FAM168A: variants seen among roughly 807,000 people sequenced by gnomAD.
The protein encoded by FAM168A is protein FAM168A.
FAM168A carries 3 observed loss-of-function variants against 28.5 expected under a neutral mutation model. That is an observed-to-expected ratio of 0.11 (90% CI 0.05 to 0.27). FAM168A has a LOEUF of 0.27. Among genes scored for constraint, FAM168A ranks in the 10% least tolerant of loss-of-function variants. FAM168A has a pLI of 1.00. For missense variants in FAM168A, 222 were observed against 311.5 expected (o/e 0.71, Z 2.16); for synonymous variants, 122 against 124.2 (o/e 0.98, Z 0.12).
chr11:73,482,814 C>A (rs372630408), intron 1 of FAM168A, among the ~76,000 whole-genome samples: 3 of 152,274 alleles, frequency 2.0e-5, no homozygotes, highest in East Asian at 3.9e-4. Flanking sequence ...TTTCAGCTCA[C>A]TGCAACCTCC....
At chr11:73,490,118 T>C (rs1868108072) in intron 1 of FAM168A, among the ~76,000 whole-genome samples, 1 of 152,220 alleles carries the variant, frequency 6.6e-6, no homozygotes, top group African/African-American at 2.4e-5. Context: ...ATTGCACAGA[T>C]AAAAATTTTG....
chr11:73,460,395 C>T (rs1867623578), intron 2 of FAM168A, among the ~76,000 whole-genome samples: 1 of 152,090 alleles, frequency 6.6e-6, no homozygotes, highest in Admixed American at 6.5e-5. Context: ...TTTCTTCTCC[C>T]CCCTTTCTTC....
At chr11:73,505,223 A>G (rs1855084643) in intron 1 of FAM168A, among the ~76,000 whole-genome samples, 1 of 150,310 alleles carries the variant, frequency 6.7e-6, no homozygotes, top group Admixed American at 6.6e-5. Context: ...ATTAAAAGTC[A>G]TGGAGTTTTG....
At chr11:73,492,182 G>C (rs1162773384) in intron 1 of FAM168A, among the ~76,000 whole-genome samples, 3 of 152,050 alleles carry the variant, frequency 2.0e-5, no homozygotes, top group Non-Finnish European at 2.9e-5. Context: ...ATGTCATAAG[G>C]TTCACCGTAT....
chr11:73,527,138 AG>A (rs1348547734), intron 1 of FAM168A, among the ~76,000 whole-genome samples: 1 of 152,222 alleles, frequency 6.6e-6, no homozygotes, highest in African/African-American at 2.4e-5. Context: ...GACCAGACCC[AG>A]AAATACAAAG....
chr11:73,413,474 TAGG>T (rs1225031840), intron 4 of FAM168A, among the ~76,000 whole-genome samples: 5 of 152,140 alleles, frequency 3.3e-5, no homozygotes, highest in South Asian at 2.1e-4. Context: ...AATGTGGTCA[TAGG>T]AGGAGAAGCA....
chr11:73,545,055 T>G (rs1300272799), intron 1 of FAM168A, among the ~76,000 whole-genome samples: 4 of 118,150 alleles, frequency 3.4e-5, no homozygotes, highest in African/African-American at 1.6e-4. Flanking sequence ...GGAGACAGTC[T>G]CCCTCTGTCA....
chr11:73,530,031 T>G (rs1943497189), intron 1 of FAM168A, among the ~76,000 whole-genome samples: 1 of 151,906 alleles, frequency 6.6e-6, no homozygotes. Context: ...AGGTGATACA[T>G]CCACCTCAGC....
At chr11:73,558,261 A>G (rs1204969470) in intron 1 of FAM168A, among the ~76,000 whole-genome samples, 1 of 152,134 alleles carries the variant, frequency 6.6e-6, no homozygotes. Flanking sequence ...GTAGGAATTC[A>G]ACATCAGCTT....
intron 1 of FAM168A, among the ~76,000 whole-genome samples, chr11:73,557,276 T>C (rs1181698029): frequency 6.6e-6 from 1 of 152,174 alleles, no homozygotes; most frequent in African/African-American, 2.4e-5. Flanking sequence ...TCATATGAGA[T>C]ACACAGAACA....
intron 1 of FAM168A, among the ~76,000 whole-genome samples, chr11:73,527,987 G>A (rs150202491): frequency 1.3e-5 from 2 of 152,260 alleles, no homozygotes; most frequent in Non-Finnish European, 2.9e-5. Context: ...AAGGAAAGAT[G>A]ACATTGATCC....
At chr11:73,574,718 A>ATTTTTTT (rs10568027) in intron 1 of FAM168A, among the ~76,000 whole-genome samples, 2 of 88,640 alleles carry the variant, frequency 2.3e-5, no homozygotes, top group Non-Finnish European at 4.6e-5. Flanking sequence ...TACACCTGGC[A>ATTTTTTT]TTTTTTTTTT....
At chr11:73,494,138 A>G (rs1854816354) in intron 1 of FAM168A, among the ~76,000 whole-genome samples, 2 of 152,202 alleles carry the variant, frequency 1.3e-5, no homozygotes, top group Admixed American at 1.3e-4. Flanking sequence ...CAGTATGTAC[A>G]TATACATGTA....
chr11:73,566,549 G>A (rs1944021811), intron 1 of FAM168A, among the ~76,000 whole-genome samples: 1 of 152,156 alleles, frequency 6.6e-6, no homozygotes, highest in Non-Finnish European at 1.5e-5. Flanking sequence ...ACACTTGATT[G>A]CCAATGAAAA....
At chr11:73,452,207 TG>T (rs1234554053) in intron 2 of FAM168A, 1 of 152,282 alleles carries the variant, frequency 6.6e-6, no homozygotes, top group African/African-American at 2.4e-5. Context: ...AAGCATGTGC[TG>T]GCATTAATTA....
intron 1 of FAM168A, among the ~76,000 whole-genome samples, chr11:73,474,071 A>G (rs1324015493): frequency 6.6e-6 from 1 of 151,932 alleles, no homozygotes; most frequent in Non-Finnish European, 1.5e-5. Flanking sequence ...CGACCTCCCA[A>G]AGTGCTGAGA....
chr11:73,455,117 G>A (rs934523250), intron 2 of FAM168A, among the ~76,000 whole-genome samples: 1 of 152,230 alleles, frequency 6.6e-6, no homozygotes, highest in Non-Finnish European at 1.5e-5. Context: ...TGGGGCTTCA[G>A]TAGTCACAGG....
Position 73,484,515 on chromosome 11 carries a change from TAG to T in FAM168A, c.-18-16025_-18-16024del, listed in dbSNP as rs199592874. Among the ~76,000 whole-genome samples, 126 of 121,364 alleles carry T rather than the reference TAG, an allele frequency of 1.0e-3. 1 individual carries two copies. The highest frequency in any genetic ancestry group is 5.1e-3 in the African/African-American group (118 of 22,980). 79.6% of individuals were successfully genotyped at this position (121,364 alleles called of 152,430 possible). ...AACTAAGAGGAGAGAGAGATATATA[TAG>T]ATATATATATCTATATATCTATATA... On this transcript the variant is annotated intron_variant, in intron 1 of 7. Coordinates refer to ENST00000356467, the MANE Select transcript of FAM168A (RefSeq NM_015159.3).
At position 73,568,051 on chromosome 11, in the gene FAM168A, G is replaced by A. The variant is rs1944042896; in HGVS notation, c.-19+29872C>T. Among the ~76,000 whole-genome samples, 3 of 152,186 alleles carry A rather than the reference G, an allele frequency of 2.0e-5. No individual in the cohort carries two copies. The South Asian group carries it at 6.2e-4, about 32-fold the overall frequency. ...CTTGTAAAATCTGTAAGGAAACTGA[G>A]CAAGACAAATTTTAGGGCCCTAGAA... On this transcript the variant is annotated intron_variant, in intron 1 of 7. Transcript: ENST00000356467.
Sources: gnomAD v4.1 joint callset for allele counts (sites outside exome capture counted in the v4.1 genomes callset) on GRCh38, gnomAD v4.1.1 for gene constraint, MANE v1.5 for transcripts, NCBI Gene and HGNC (gene_info 2026-07-23, HGNC 2026-07-21) for gene names.